Variants in IGSF3 observed in about 807,000 individuals in gnomAD.
IGSF3 encodes glu-Trp-Ile EWI motif-containing protein 3.
A neutral mutation model predicts 114.4 loss-of-function variants in IGSF3; 23 were observed. The ratio of observed to expected loss-of-function variants is 0.20; its 90% CI spans 0.14 to 0.28. The LOEUF is 0.28. Ranked by LOEUF, IGSF3 falls within the 10% of genes least tolerant of loss-of-function variation. The probability of loss-of-function intolerance (pLI) is 1.00; values close to 1 mark genes in which losing one functional copy is unlikely to be tolerated. For missense variants in IGSF3, 1,172 were observed against 1,591.5 expected (o/e 0.74, Z 4.48); for synonymous variants, 571 against 645.2 (o/e 0.88, Z 1.74).
chr1:116,587,889 G>C (rs971709764), intron 8 of IGSF3, among the ~76,000 whole-genome samples: 1 of 152,214 alleles, frequency 6.6e-6, no homozygotes, highest in Non-Finnish European at 1.5e-5. Context: ...GCAGGGATGT[G>C]AGAATGAGGG....
Position 116,615,965 on chromosome 1 carries a change from T to C in IGSF3, c.421+115A>G, listed in dbSNP as rs1374937825. 1.5e-5 allele frequency: 11 copies of C among 757,376 alleles called. No homozygotes were observed. Among genetic ancestry groups the C allele is most frequent in the African/African-American group, 1.2e-4 (7 of 56,714 alleles). The allele number at this position is 757,376 out of a possible 1,614,324, so 46.9% of individuals were successfully genotyped here. A position where few individuals can be genotyped will look rare whatever the true frequency, so the allele number is the denominator to read the frequency against. ...GTGCTATCTGTTGACCCCTAAAATATGTTGGGAGTTTTGGGATTTTTTTTA... is the reference window on the plus strand; with the variant it reads ...GTGCTATCTGTTGACCCCTAAAATACGTTGGGAGTTTTGGGATTTTTTTTA... On this transcript the variant is annotated intron_variant, in intron 3 of 10. Transcript: ENST00000369486. This position sits in a 1 kb window ranked among gnomAD's most constrained non-coding sequence, Gnocchi z 4.3.
In IGSF3 at chr1:116,627,654, G is replaced by A. The variant is rs1263710413; in HGVS notation, c.44-11197C>T. On this transcript the variant is annotated intron_variant, in intron 2 of 10. Coordinates refer to ENST00000369486, the MANE Select transcript of IGSF3 (RefSeq NM_001007237.3). The surrounding 1 kb of genome is among the most constrained non-coding windows in gnomAD (Gnocchi z 4.7). ...CAGCTACCAGGCAGCAGAGGGATGCGGGGCGCCAACAGCAAAAGCACTTGG... is the reference window on the plus strand; with the variant it reads ...CAGCTACCAGGCAGCAGAGGGATGCAGGGCGCCAACAGCAAAAGCACTTGG... Among the ~76,000 whole-genome samples, 5 of 152,196 alleles carry A rather than the reference G, an allele frequency of 3.3e-5. No individual in the cohort carries two copies. The highest frequency in any genetic ancestry group is 2.1e-4 in the South Asian group (1 of 4,828).
Position 116,624,926 on chromosome 1 carries a change from C to A in IGSF3, c.44-8469G>T, listed in dbSNP as rs1373269313. On this transcript the variant is annotated intron_variant, in intron 2 of 10. Coordinates refer to ENST00000369486, the MANE Select transcript of IGSF3 (RefSeq NM_001007237.3). This position sits in a 1 kb window ranked among gnomAD's most constrained non-coding sequence, Gnocchi z 4.9. ...TGTGAGTGAATGAGCCAATCAGCAC[C>A]CAGCTCCACCTGCCACCATGTGAGT... is the stretch of plus-strand genomic sequence containing the variant. Among the ~76,000 whole-genome samples the A allele has an allele frequency of 6.6e-6, 1 of 152,204 alleles. No individual in the cohort carries two copies. The highest frequency in any genetic ancestry group is 1.5e-5 in the Non-Finnish European group (1 of 68,040).
chr1:116,642,252 A>C lies in IGSF3; in HGVS notation c.43+24032T>G, dbSNP rs1403264553. Reference sequence around the variant, plus strand: ...CCTCTTATTAGAAAAAAAAACACGAAATTTTTTGGTAAAAGAATTATCCTT... The same window carrying C: ...CCTCTTATTAGAAAAAAAAACACGACATTTTTTGGTAAAAGAATTATCCTT... On this transcript the variant is annotated intron_variant, in intron 2 of 10. Transcript: ENST00000369486. This position sits in a 1 kb window ranked among gnomAD's most constrained non-coding sequence, Gnocchi z 5.4. 6.6e-6 allele frequency among the ~76,000 whole-genome samples: 1 copy of C among 152,152 alleles called. No individual in the cohort carries two copies. The highest frequency in any genetic ancestry group is 1.5e-5 in the Non-Finnish European group (1 of 68,024).
rs1373711239 is a variant in IGSF3, at chr1:116,662,585, C to T, written c.43+3699G>A. 6.6e-6 allele frequency among the ~76,000 whole-genome samples: 1 copy of T among 152,178 alleles called. No homozygotes were observed. Among genetic ancestry groups the T allele is most frequent in the East Asian group, 1.9e-4 (1 of 5,196 alleles). On this transcript the variant is annotated intron_variant, in intron 2 of 10. Coordinates refer to ENST00000369486, the MANE Select transcript of IGSF3 (RefSeq NM_001007237.3). The surrounding 1 kb of genome is among the most constrained non-coding windows in gnomAD (Gnocchi z 4.3). ...CGTAGAAGATGGCAACATCTTAACA[C>T]AGCCCTGGGTACCTGGAGGTAGCTC...
chr1:116,621,121 G>A (rs1178049992), intron 2 of IGSF3, among the ~76,000 whole-genome samples: 1 of 151,998 alleles, frequency 6.6e-6, no homozygotes, highest in Non-Finnish European at 1.5e-5. Context: ...AAAGTGTGTG[G>A]CACCTCCCCC....
chr1:116,603,670 A>G lies in IGSF3; in HGVS notation c.1578T>C (p.Ile526=). 1 of 1,613,786 alleles carries G rather than the reference A, an allele frequency of 6.2e-7. No homozygotes were observed. Among genetic ancestry groups the G allele is most frequent in the Non-Finnish European group, 8.5e-7 (1 of 1,179,796 alleles). The part of the protein sequence containing the change: ...WVRAVDGEWQ[I]VGERRASTPI... ...GAGTGCTGGCCCGGCGCTCCCCAAC[A>G]ATCTGCCACTCGCCATCCACTGCCC... The change falls in exon 6 of 11, where the codon ATT becomes ATC. Residue 526 remains isoleucine, a synonymous_variant. Transcript: ENST00000369486. The surrounding 1 kb of genome is among the most constrained non-coding windows in gnomAD (Gnocchi z 7.1).
rs1265426864 is a variant in IGSF3, at chr1:116,664,610, C to G, written c.43+1674G>C. ...ATGAATCACTAATTGCTGATTTAAA[C>G]CCAGACACTAAGCGAATGACACATA... On this transcript the variant is annotated intron_variant, in intron 2 of 10. Coordinates refer to ENST00000369486, the MANE Select transcript of IGSF3 (RefSeq NM_001007237.3). This position sits in a 1 kb window ranked among gnomAD's most constrained non-coding sequence, Gnocchi z 4.6. Among the ~76,000 whole-genome samples, 1 of 152,150 alleles carries G rather than the reference C, an allele frequency of 6.6e-6. No homozygotes were observed. The highest frequency in any genetic ancestry group is 6.5e-5 in the Admixed American group (1 of 15,276).
In IGSF3 at chr1:116,598,836, A is replaced by C. The variant is rs1374047426; in HGVS notation, c.2029+1105T>G. Among the ~76,000 whole-genome samples the C allele has an allele frequency of 6.6e-6, 1 of 152,248 alleles. No individual in the cohort carries two copies. The highest frequency in any genetic ancestry group is 2.4e-5 in the African/African-American group (1 of 41,468). ...CCTGGCAGGAGACAAGGACAGATGC[A>C]GGAAAACCATAAGAGCTGCATGTAC... On this transcript the variant is annotated intron_variant, in intron 7 of 10. Coordinates refer to ENST00000369486, the MANE Select transcript of IGSF3 (RefSeq NM_001007237.3). The surrounding 1 kb of genome is among the most constrained non-coding windows in gnomAD (Gnocchi z 4.3).
chr1:116,588,901 C>T lies in IGSF3; in HGVS notation c.2233G>A (p.Ala745Thr), dbSNP rs375762342. ...CTGGCTCTCAGGCCCTCCTCCTCGG[C>T]GTAAGTACCGTATTCAAAGGCGGAG... ...HNSAFEYGTY[A>T]EEEGLRARLQ... Residue 745 changes from alanine (A) to threonine (T), a missense_variant, in exon 8 of 11, where the codon GCC becomes ACC. By Grantham distance (58) the Ala-to-Thr change is moderately conservative. Coordinates refer to ENST00000369486, the MANE Select transcript of IGSF3 (RefSeq NM_001007237.3). This position sits in a 1 kb window ranked among gnomAD's most constrained non-coding sequence, Gnocchi z 4.9. 17 of 1,614,140 alleles carry T rather than the reference C, an allele frequency of 1.1e-5. No homozygotes were observed. Among genetic ancestry groups the T allele is most frequent in the South Asian group, 8.8e-5 (8 of 91,090 alleles).
chr1:116,656,141 T>C (rs1023990723), intron 2 of IGSF3, among the ~76,000 whole-genome samples: 5 of 152,136 alleles, frequency 3.3e-5, no homozygotes, highest in Non-Finnish European at 4.4e-5. Context: ...ATGTTCCGCA[T>C]GATTCCATTT....
At chr1:116,578,822 T>C (rs1170408924) in intron 10 of IGSF3, among the ~76,000 whole-genome samples, 1 of 152,168 alleles carries the variant, frequency 6.6e-6, no homozygotes, top group Non-Finnish European at 1.5e-5. Flanking sequence ...CTCAGGATCA[T>C]GGAAACTGCA....
chr1:116,641,982 G>A (rs554405265), intron 2 of IGSF3, among the ~76,000 whole-genome samples: 1 of 151,896 alleles, frequency 6.6e-6, no homozygotes, highest in African/African-American at 2.4e-5. Flanking sequence ...TGGAGAGACA[G>A]TGTCTCGAAC....
Position 116,603,700 on chromosome 1 carries a change from C to G in IGSF3, c.1548G>C (p.Trp516Cys). 6.2e-7 allele frequency: 1 copy of G among 1,613,964 alleles called. No homozygotes were observed. Among genetic ancestry groups the G allele is most frequent in the Admixed American group, 1.7e-5 (1 of 60,018 alleles). ...EGQYECHVTE[W>C]VRAVDGEWQI... ...GCCACTCGCCATCCACTGCCCGCACCCATTCAGTCACATGGCATTCATACT... is the reference window on the plus strand; with the variant it reads ...GCCACTCGCCATCCACTGCCCGCACGCATTCAGTCACATGGCATTCATACT... Residue 516 changes from tryptophan (W) to cysteine (C), a missense_variant, in exon 6 of 11, where the codon TGG (tryptophan) becomes TGC (cysteine). Physicochemically the swap from Trp to Cys is radical, Grantham distance 215. Transcript: ENST00000369486. This position sits in a 1 kb window ranked among gnomAD's most constrained non-coding sequence, Gnocchi z 7.1.
chr1:116,633,463 T>A lies in IGSF3; in HGVS notation c.44-17006A>T, dbSNP rs948077043. ...AAAAACACCTAGACAATCCTTAAAATCCCCTTTCAGCTCCAAGACTGTGTA... is the reference window on the plus strand; with the variant it reads ...AAAAACACCTAGACAATCCTTAAAAACCCCTTTCAGCTCCAAGACTGTGTA... On this transcript the variant is annotated intron_variant, in intron 2 of 10. Transcript: ENST00000369486. The surrounding 1 kb of genome is among the most constrained non-coding windows in gnomAD (Gnocchi z 4.3). Among the ~76,000 whole-genome samples, 1 of 152,178 alleles carries A rather than the reference T, an allele frequency of 6.6e-6. No individual in the cohort carries two copies. Among genetic ancestry groups the A allele is most frequent in the African/African-American group, 2.4e-5 (1 of 41,448 alleles).
intron 2 of IGSF3, among the ~76,000 whole-genome samples, chr1:116,660,972 CTA>C (rs1413953222): frequency 6.6e-6 from 1 of 152,110 alleles, no homozygotes; most frequent in Non-Finnish European, 1.5e-5. Flanking sequence ...GAAACAACAC[CTA>C]CCTTGTGAAA....
chr1:116,656,231 A>G (rs1648839620), intron 2 of IGSF3, among the ~76,000 whole-genome samples: 1 of 151,694 alleles, frequency 6.6e-6, no homozygotes, highest in South Asian at 2.1e-4. Flanking sequence ...TAAAGAATCT[A>G]TATCAAAGTC....
At position 116,633,209 on chromosome 1, in the gene IGSF3, C is replaced by T. The variant is rs191221383; in HGVS notation, c.44-16752G>A. 1.5e-3 allele frequency among the ~76,000 whole-genome samples: 224 copies of T among 152,250 alleles called. 1 individual carries two copies. Among genetic ancestry groups the T allele is most frequent in the East Asian group, 6.6e-3 (34 of 5,174 alleles). ...CCTACATTCCAGCCATTTGGGATGT[C>T]CTGGGTTCAACCATTCCCACCCACT... On this transcript the variant is annotated intron_variant, in intron 2 of 10. Transcript: ENST00000369486. This position sits in a 1 kb window ranked among gnomAD's most constrained non-coding sequence, Gnocchi z 4.3.
Position 116,584,049 on chromosome 1 carries a change from T to A in IGSF3, c.2848+596A>T, listed in dbSNP as rs1030965125. ...ACTAAAAATACACAAATTAGCCGGG[T>A]GTGGTGGCATGAGCCTGTAGTCCCA... On this transcript the variant is annotated intron_variant, in intron 9 of 10. Transcript: ENST00000369486. The surrounding 1 kb of genome is among the most constrained non-coding windows in gnomAD (Gnocchi z 5.8). 1.3e-5 allele frequency among the ~76,000 whole-genome samples: 2 copies of A among 151,770 alleles called. No individual in the cohort carries two copies. Among genetic ancestry groups the A allele is most frequent in the African/African-American group, 4.8e-5 (2 of 41,254 alleles).
Sources: gnomAD v4.1 joint callset for allele counts (sites outside exome capture counted in the v4.1 genomes callset) on GRCh38, gnomAD v4.1.1 for gene constraint, Gnocchi (gnomAD v3.1) non-coding constraint, MANE v1.5 for transcripts, NCBI Gene and HGNC (gene_info 2026-07-23, HGNC 2026-07-21) for gene names.